GCN1: variants seen among roughly 807,000 people sequenced by gnomAD.
GCN1 encodes stalled ribosome sensor GCN1.
GCN1 carries 90 observed loss-of-function variants against 288.4 expected under a neutral mutation model. The ratio of observed to expected loss-of-function variants is 0.31; its 90% CI spans 0.26 to 0.37. The LOEUF is 0.37. Ranked by LOEUF, GCN1 falls within the 10% of genes least tolerant of loss-of-function variation. The probability of loss-of-function intolerance (pLI) is 1.00; values close to 1 mark genes in which losing one functional copy is unlikely to be tolerated. For missense variants in GCN1, 2,586 were observed against 3,419.9 expected (o/e 0.76, Z 6.08); for synonymous variants, 1,386 against 1,420.2 (o/e 0.98, Z 0.54).
chr12:120,155,469 T>C lies in GCN1; in HGVS notation c.3441-39A>G. 2 of 1,606,280 alleles carry C rather than the reference T, an allele frequency of 1.2e-6. No individual in the cohort carries two copies. Among genetic ancestry groups the C allele is most frequent in the Non-Finnish European group, 1.7e-6 (2 of 1,174,234 alleles). On this transcript the variant is annotated intron_variant, in intron 29 of 57. Transcript: ENST00000300648. The surrounding 1 kb of genome is among the most constrained non-coding windows in gnomAD (Gnocchi z 4.9). ...AAGGCAGGGGCTGCTTAGACAAAGA[T>C]CTGCAGCACTTGCCCTGCCAGCCCA...
chr12:120,177,010 C>G (rs1364105176), intron 9 of GCN1, among the ~76,000 whole-genome samples: 1 of 152,218 alleles, frequency 6.6e-6, no homozygotes, highest in Non-Finnish European at 1.5e-5. Context: ...AGGTGATCTA[C>G]CTGCCTCAGC....
intron 2 of GCN1, among the ~76,000 whole-genome samples, chr12:120,185,603 CCCG>C (rs1175993098): frequency 6.6e-6 from 1 of 152,132 alleles, no homozygotes; most frequent in East Asian, 1.9e-4. Context: ...TTAAGGCCCC[CCCG>C]CCTTTTATTT....
chr12:120,164,859 C>T (rs1594277686), intron 16 of GCN1, 138 bp from the exon 17 acceptor site: 1 of 501,854 alleles, frequency 2.0e-6, no homozygotes, highest in Non-Finnish European at 3.5e-6. Context: ...AGTGAAATTA[C>T]AGCTTGTTTT....
rs757291073 is a variant in GCN1, at chr12:120,127,663, G to C, written c.*186C>G. ...TTCTCTTCTCCACAGGAAAAGGTGA[G>C]AGATGGAGGAGGCAATTTTCAGTTG... is the stretch of plus-strand genomic sequence containing the variant. On this transcript the variant is annotated 3_prime_UTR_variant, in exon 58 of 58. Transcript: ENST00000300648. The C allele has an allele frequency of 1.2e-5, 8 of 669,160 alleles. No individual in the cohort carries two copies. Among genetic ancestry groups the C allele is most frequent in the Non-Finnish European group, 2.1e-5 (8 of 388,704 alleles). The allele number at this position is 669,160 out of a possible 1,614,324, so 41.5% of individuals were successfully genotyped here.
Position 120,131,242 on chromosome 12 carries a change from G to T in GCN1, c.7506C>A (p.Ala2502=), listed in dbSNP as rs371411042. The change falls in exon 55 of 58, where the codon GCC becomes GCA. Residue 2502 remains alanine (A), a synonymous_variant. Coordinates refer to ENST00000300648, the MANE Select transcript of GCN1 (RefSeq NM_006836.2). ...CCTGAACATCACTGCTATATCTGCCGGCACAAAGTCTGCCAGGAGCCACAT... is the reference window on the plus strand; with the variant it reads ...CCTGAACATCACTGCTATATCTGCCTGCACAAAGTCTGCCAGGAGCCACAT... ...AVNVAPGRLC[A]GRYSSDVQEM... is the part of the protein sequence containing the mutation. The T allele has an allele frequency of 2.5e-6, 4 of 1,613,968 alleles. No individual in the cohort carries two copies. Among genetic ancestry groups the T allele is most frequent in the East Asian group, 4.5e-5 (2 of 44,884 alleles).
At position 120,156,777 on chromosome 12, in the gene GCN1, C is replaced by T; in HGVS notation, c.3168+135G>A. The T allele has an allele frequency of 1.1e-6, 1 of 892,948 alleles. No homozygotes were observed. 55.3% of individuals were successfully genotyped at this position (892,948 alleles called of 1,614,324 possible). A position where few individuals can be genotyped will look rare whatever the true frequency, so the allele number is the denominator to read the frequency against. The stretch of plus-strand genomic sequence containing the variant: ...CACTAGCTAACAACAGTCAGGCTGG[C>T]TCTCTAAAGCAGTCTTTCTACCAAA... On this transcript the variant is annotated intron_variant, in intron 27 of 57. Transcript: ENST00000300648. The surrounding 1 kb of genome is among the most constrained non-coding windows in gnomAD (Gnocchi z 5.8).
chr12:120,160,883 T>C (rs1877903429), intron 22 of GCN1, among the ~76,000 whole-genome samples: 1 of 152,156 alleles, frequency 6.6e-6, no homozygotes, highest in Non-Finnish European at 1.5e-5. Flanking sequence ...TAAATGTTAG[T>C]AAAGAAACAA....
chr12:120,183,543 C>T (rs368699710), intron 5 of GCN1, 26 bp downstream of exon 5: 4 of 1,357,546 alleles, frequency 2.9e-6, no homozygotes, highest in Middle Eastern at 1.8e-4. Context: ...CTGACCCTTG[C>T]TACTTCAGAG....
In GCN1 at chr12:120,137,622, C is replaced by A; in HGVS notation, c.6586G>T (p.Gly2196Cys). 6.2e-7 allele frequency: 1 copy of A among 1,614,126 alleles called. No individual in the cohort carries two copies. Among genetic ancestry groups the A allele is most frequent in the Non-Finnish European group, 8.5e-7 (1 of 1,179,990 alleles). The stretch of plus-strand genomic sequence containing the variant: ...GAGTCATTGAAGAGGCGGATCAGGC[C>A]CGAGACCAGGCTCCGCAGGTGGCTG... ...YTSHLRSLVS[G>C]LIRLFNDSSP... The change falls in exon 49 of 58, where the codon GGC (glycine) becomes TGC (cysteine). Residue 2196 changes from glycine (G) to cysteine (C), a missense_variant. By Grantham distance (159) the Gly-to-Cys change is radical. Coordinates refer to ENST00000300648, the MANE Select transcript of GCN1 (RefSeq NM_006836.2). This position sits in a 1 kb window ranked among gnomAD's most constrained non-coding sequence, Gnocchi z 5.2.
Position 120,147,064 on chromosome 12 carries a change from C to G in GCN1, c.4935G>C (p.Leu1645=), listed in dbSNP as rs749887031. 1 of 1,569,998 alleles carries G rather than the reference C, an allele frequency of 6.4e-7. No individual in the cohort carries two copies. The highest frequency in any genetic ancestry group is 1.2e-5 in the South Asian group (1 of 84,338). ...GCTGGGCCGCTACCTTCTGGTCTGTCAGGGAGTACATGTTGCCAATAATCT... is the reference window on the plus strand; with the variant it reads ...GCTGGGCCGCTACCTTCTGGTCTGTGAGGGAGTACATGTTGCCAATAATCT... ...AAQIIGNMYS[L]TDQKDLAPYL... Residue 1645 remains leucine (L), a synonymous_variant, in exon 38 of 58, where the codon CTG becomes CTC. Coordinates refer to ENST00000300648, the MANE Select transcript of GCN1 (RefSeq NM_006836.2).
intron 24 of GCN1, among the ~76,000 whole-genome samples, chr12:120,159,417 T>C (rs1408997614): frequency 1.3e-5 from 2 of 152,184 alleles, no homozygotes; most frequent in African/African-American, 4.8e-5. Context: ...TACCTGGTGT[T>C]TGTTTCTCCA....
Position 120,142,153 on chromosome 12 carries a change from C to T in GCN1, c.5829+354G>A, listed in dbSNP as rs548570151. 4.2e-4 allele frequency among the ~76,000 whole-genome samples: 64 copies of T among 152,026 alleles called. 1 individual carries two copies. Among genetic ancestry groups the T allele is most frequent in the Middle Eastern group, 3.4e-3 (1 of 294 alleles). ...CGTCCTGGCTAACGTGCTGAAACCC[C>T]GTCTCTACTAAAAATATAAAAAAAT... is the stretch of plus-strand genomic sequence containing the variant. On this transcript the variant is annotated intron_variant, in intron 44 of 57. Coordinates refer to ENST00000300648, the MANE Select transcript of GCN1 (RefSeq NM_006836.2). This position sits in a 1 kb window ranked among gnomAD's most constrained non-coding sequence, Gnocchi z 4.9.
chr12:120,191,463 A>G (rs2136120904), intron 1 of GCN1, among the ~76,000 whole-genome samples: 1 of 152,380 alleles, frequency 6.6e-6, no homozygotes, highest in Admixed American at 6.5e-5. Context: ...TAAGCCGTAG[A>G]GCAGGGCATG....
At chr12:120,168,057 T>C (rs1439213200) in intron 16 of GCN1, 151 bp downstream of exon 16, 3 of 637,144 alleles carry the variant, frequency 4.7e-6, no homozygotes, top group Non-Finnish European at 8.5e-6. Flanking sequence ...CAGGAATGAA[T>C]TTATTCCCAC....
At chr12:120,167,389 T>A (rs1007915404) in intron 16 of GCN1, among the ~76,000 whole-genome samples, 1 of 150,678 alleles carries the variant, frequency 6.6e-6, no homozygotes, top group African/African-American at 2.4e-5. Flanking sequence ...TGAAGTTCAT[T>A]ATATACTGAT....
At chr12:120,171,141 CAAAAA>C (rs56734169) in intron 14 of GCN1, among the ~76,000 whole-genome samples, 2 of 88,462 alleles carry the variant, frequency 2.3e-5, no homozygotes. Context: ...ACCCCATCTC[CAAAAA>C]AAAAAAAAAA....
intron 38 of GCN1, among the ~76,000 whole-genome samples, chr12:120,146,472 C>G (rs1036572511): frequency 1.3e-5 from 2 of 151,950 alleles, no homozygotes; most frequent in Admixed American, 6.6e-5. Context: ...CTCAAGCTAT[C>G]CTCCCATTTC....
chr12:120,187,058 T>C (rs1878844138), intron 2 of GCN1, among the ~76,000 whole-genome samples: 1 of 152,044 alleles, frequency 6.6e-6, no homozygotes, highest in African/African-American at 2.4e-5. Flanking sequence ...CACAAGAGAC[T>C]CTCTGAGACG....
chr12:120,161,982 G>C lies in GCN1; in HGVS notation c.2240C>G (p.Thr747Ser). 20 of 1,614,032 alleles carry C rather than the reference G, an allele frequency of 1.2e-5. No homozygotes were observed. The highest frequency in any genetic ancestry group is 1.7e-5 in the Non-Finnish European group (20 of 1,180,012). The change falls in exon 21 of 58, where the codon ACT becomes AGT. Residue 747 changes from threonine (T) to serine (S), a missense_variant. By Grantham distance (58) the Thr-to-Ser change is moderately conservative (BLOSUM62 1). Around this residue, in one of 8 missense-constraint regions of GCN1, gnomAD observed 913 missense variants for 1,107.0 expected, o/e 0.82. Transcript: ENST00000300648. The part of the protein sequence containing the change: ...RVLPQLISTI[T>S]ASVQNPALRL... Reference sequence around the variant, plus strand: ...CAGTGCAGGGTTCTGCACGGAGGCAGTGATGGTGCTGATGAGCTGTGGGAG... The same window carrying C: ...CAGTGCAGGGTTCTGCACGGAGGCACTGATGGTGCTGATGAGCTGTGGGAG...
Sources: allele counts gnomAD v4.1 joint callset (sites outside exome capture counted in the v4.1 genomes callset), GRCh38; gene constraint gnomAD v4.1.1; regional missense constraint gnomAD v4.1.1; non-coding constraint Gnocchi (gnomAD v3.1); transcripts MANE v1.5; gene names NCBI Gene and HGNC (gene_info 2026-07-23, HGNC 2026-07-21).